RBM5: variants seen among roughly 807,000 people sequenced by gnomAD.
RBM5 encodes the protein RNA binding motif protein 5.
In RBM5, 15 loss-of-function variants were observed where a neutral mutation model predicts 124.6. The observed-to-expected ratio is 0.12, with a 90% CI of 0.08 to 0.19. The LOEUF (loss-of-function observed/expected upper bound fraction) is 0.19, where lower values mean the gene tolerates loss of function less well. Ranked by LOEUF, RBM5 falls within the 10% of genes least tolerant of loss-of-function variation. RBM5 has a pLI of 1.00. For missense variants in RBM5, 580 were observed against 1,026.5 expected (o/e 0.57, Z 5.94); for synonymous variants, 337 against 361.2 (o/e 0.93, Z 0.76).
intron 12 of RBM5, 144 bp downstream of exon 12, chr3:50,107,713 T>C (rs1008574700): frequency 4.1e-6 from 2 of 484,144 alleles, no homozygotes; most frequent in African/African-American, 4.9e-5. Context: ...TGAGACAGAG[T>C]ATCACTCTCG....
At chr3:50,111,532 C>T (rs2091144893) in intron 17 of RBM5, among the ~76,000 whole-genome samples, 2 of 152,186 alleles carry the variant, frequency 1.3e-5, no homozygotes, top group African/African-American at 2.4e-5. Flanking sequence ...TACAGGCGCC[C>T]ACCACACCCA....
chr3:50,115,502 A>G lies in RBM5; in HGVS notation c.1914A>G (p.Glu638=), dbSNP rs2091231655. The change falls in exon 21 of 25, where the codon GAA becomes GAG. Residue 638 remains glutamate (E), a synonymous_variant. Transcript: ENST00000347869. ...TGGTGGAGAGACTTGAGAGTGAGGA[A>G]GAGAAGCTAGCTGACTGGAAGAAGA... is the stretch of plus-strand genomic sequence containing the variant. ...EELVERLESE[E]EKLADWKKMA... is the part of the protein sequence containing the mutation. 1.2e-6 allele frequency: 2 copies of G among 1,613,984 alleles called. No individual in the cohort carries two copies. Among genetic ancestry groups the G allele is most frequent in the South Asian group, 2.2e-5 (2 of 91,076 alleles).
In RBM5 at chr3:50,110,256, T is replaced by C. The variant is rs142163665; in HGVS notation, c.1279-123T>C. On this transcript the variant is annotated intron_variant, in intron 15 of 24. Coordinates refer to ENST00000347869, the MANE Select transcript of RBM5 (RefSeq NM_005778.4). ...GTCAACATGTGTTTTGCTGAGGGAT[T>C]GCCTTAGATTATTGCTACAGTGTGT... is the stretch of plus-strand genomic sequence containing the variant. 3.9e-5 allele frequency: 30 copies of C among 774,306 alleles called. No homozygotes were observed. The East Asian group carries it at 7.5e-4, about 19-fold the overall frequency. 48.0% of individuals were successfully genotyped at this position (774,306 alleles called of 1,614,324 possible).
chr3:50,093,990 C>A, intron 4 of RBM5, 115 bp downstream of exon 4: 2 of 1,187,956 alleles, frequency 1.7e-6, no homozygotes, highest in Non-Finnish European at 2.3e-6. Flanking sequence ...TTGAGTATCC[C>A]TTATCCAAAA....
At chr3:50,091,956 A>T in intron 2 of RBM5, 87 bp from the exon 3 acceptor site, 1 of 1,386,652 alleles carries the variant, frequency 7.2e-7, no homozygotes, top group Non-Finnish European at 1.0e-6. Flanking sequence ...TTATAAACTG[A>T]TCTGTGGGCC....
intron 1 of RBM5, 139 bp from the exon 2 acceptor site, chr3:50,090,242 AC>A (rs555486435): frequency 1.7e-4 from 100 of 576,232 alleles, no homozygotes; most frequent in African/African-American, 1.7e-3. Flanking sequence ...GTTTGTCCCC[AC>A]CACTTCCCCA....
intron 10 of RBM5, 171 bp from the exon 11 acceptor site, chr3:50,106,596 A>G (rs559377189): frequency 1.5e-5 from 9 of 585,822 alleles, no homozygotes; most frequent in African/African-American, 7.5e-5. Context: ...AAACCTTCAC[A>G]TCTTAGAGGA....
At position 50,100,760 on chromosome 3, in the gene RBM5, C is replaced by CAGTA. The variant is rs1429725592; in HGVS notation, c.483+156_483+159dup. 1 of 564,084 alleles carries CAGTA rather than the reference C, an allele frequency of 1.8e-6. No individual in the cohort carries two copies. The highest frequency in any genetic ancestry group is 1.9e-5 in the African/African-American group (1 of 53,592). 34.9% of individuals were successfully genotyped at this position (564,084 alleles called of 1,614,324 possible). A position where few individuals can be genotyped will look rare whatever the true frequency, so the allele number is the denominator to read the frequency against. ...AAAATTGATGTTACTAGAATAAGTACAGTACCAAGGACTTCATTATAGAAT... is the reference window on the plus strand; with the variant it reads ...AAAATTGATGTTACTAGAATAAGTACAGTAAGTACCAAGGACTTCATTATAGAAT... On this transcript the variant is annotated intron_variant, in intron 6 of 24. Transcript: ENST00000347869. This position sits in a 1 kb window ranked among gnomAD's most constrained non-coding sequence, Gnocchi z 5.1.
At chr3:50,111,041 A>C in intron 17 of RBM5, 1 of 445,930 alleles carries the variant, frequency 2.2e-6, no homozygotes, top group Non-Finnish European at 4.0e-6. Context: ...ATACATTTGT[A>C]TATTACATGT....
chr3:50,098,190 A>G (rs2090861332), intron 4 of RBM5, among the ~76,000 whole-genome samples: 1 of 152,180 alleles, frequency 6.6e-6, no homozygotes, highest in Non-Finnish European at 1.5e-5. Flanking sequence ...AAGAGCAGGA[A>G]GGCTATTCTT....
rs373341735 is a variant in RBM5, at chr3:50,117,422, G to T, written c.2322+43G>T. 8 of 1,609,304 alleles carry T rather than the reference G, an allele frequency of 5.0e-6. No homozygotes were observed. The highest frequency in any genetic ancestry group is 6.8e-6 in the Non-Finnish European group (8 of 1,177,702). ...GTCTTGATGTTTGCCAGGCTTACAG[G>T]CCGGTTCCAGAGATGAGATCAGAGC... is the stretch of plus-strand genomic sequence containing the variant. On this transcript the variant is annotated intron_variant, in intron 24 of 24. Coordinates refer to ENST00000347869, the MANE Select transcript of RBM5 (RefSeq NM_005778.4). This position sits in a 1 kb window ranked among gnomAD's most constrained non-coding sequence, Gnocchi z 4.2.
At chr3:50,095,073 C>T (rs1401179633) in intron 4 of RBM5, among the ~76,000 whole-genome samples, 1 of 152,088 alleles carries the variant, frequency 6.6e-6, no homozygotes, top group Non-Finnish European at 1.5e-5. Context: ...TGGTGCATAC[C>T]TGTAGTCCCA....
chr3:50,107,377 C>T, intron 11 of RBM5, 105 bp from the exon 12 acceptor site: 1 of 916,824 alleles, frequency 1.1e-6, no homozygotes, highest in Non-Finnish European at 1.8e-6. Context: ...GCCTTGCTGG[C>T]ATTTGAGAAC....
chr3:50,108,400 A>G (rs890926149), intron 14 of RBM5, 96 bp downstream of exon 14: 2 of 1,227,290 alleles, frequency 1.6e-6, no homozygotes, highest in African/African-American at 3.0e-5. Flanking sequence ...CTACAAGTCC[A>G]TTTCTCTGTA....
At chr3:50,090,666 C>T (rs1202001721) in intron 2 of RBM5, among the ~76,000 whole-genome samples, 3 of 152,104 alleles carry the variant, frequency 2.0e-5, no homozygotes, top group Non-Finnish European at 2.9e-5. Context: ...TCTTAGAACA[C>T]ATAGGAAGTA....
At chr3:50,109,196 C>G (rs2091096715) in intron 14 of RBM5, among the ~76,000 whole-genome samples, 1 of 152,138 alleles carries the variant, frequency 6.6e-6, no homozygotes, top group African/African-American at 2.4e-5. Context: ...GCCTTAGCCT[C>G]ACAAGTAGCT....
chr3:50,094,162 T>C (rs1453784867), intron 4 of RBM5: 2 of 198,456 alleles, frequency 1.0e-5, no homozygotes, highest in African/African-American at 2.3e-5. Flanking sequence ...AATAATTTTT[T>C]TTTTTTTTTT....
At chr3:50,108,649 G>A (rs574800280) in intron 14 of RBM5, among the ~76,000 whole-genome samples, 21 of 152,210 alleles carry the variant, frequency 1.4e-4, no homozygotes, top group African/African-American at 5.1e-4. Context: ...AGAGATTGCA[G>A]TGAGCTGAGA....
chr3:50,100,483 G>C lies in RBM5; in HGVS notation c.410-49G>C. 6.8e-7 allele frequency: 1 copy of C among 1,478,382 alleles called. No homozygotes were observed. Among genetic ancestry groups the C allele is most frequent in the Non-Finnish European group, 9.4e-7 (1 of 1,059,784 alleles). 91.6% of individuals were successfully genotyped at this position (1,478,382 alleles called of 1,614,324 possible). ...GGGAGAGAGATTCACCTGTTATAAA[G>C]GAACTGACTAACACAAGTATCCCGT... is the stretch of plus-strand genomic sequence containing the variant. On this transcript the variant is annotated intron_variant, in intron 5 of 24. Coordinates refer to ENST00000347869, the MANE Select transcript of RBM5 (RefSeq NM_005778.4). This position sits in a 1 kb window ranked among gnomAD's most constrained non-coding sequence, Gnocchi z 5.1.
Sources: allele counts gnomAD v4.1 joint callset (sites outside exome capture counted in the v4.1 genomes callset), GRCh38; gene constraint gnomAD v4.1.1; non-coding constraint Gnocchi (gnomAD v3.1); transcripts MANE v1.5; gene names NCBI Gene and HGNC (gene_info 2026-07-23, HGNC 2026-07-21).